Variants in AFAP1L2 observed in about 807,000 individuals in gnomAD.
AFAP1L2 encodes the protein actin filament associated protein 1 like 2, also known as actin filament-associated protein 1-like 2.
A neutral mutation model predicts 99.3 loss-of-function variants in AFAP1L2; 46 were observed. The ratio of observed to expected loss-of-function variants is 0.46; its 90% CI spans 0.37 to 0.59. The LOEUF is 0.59. Ranked by LOEUF, AFAP1L2 falls within the 20% of genes least tolerant of loss-of-function variation. The probability of loss-of-function intolerance (pLI) is 0.00; values close to 1 mark genes in which losing one functional copy is unlikely to be tolerated. For missense variants in AFAP1L2, 959 were observed against 1,034.9 expected (o/e 0.93, Z 1.01); for synonymous variants, 397 against 419.1 (o/e 0.95, Z 0.64).
At chr10:114,283,713 G>A in the AFAP1L2 span, among the ~76,000 whole-genome samples, 11 of 152,316 alleles carry the variant, frequency 7.2e-5, no homozygotes, top group East Asian at 3.9e-4. Context: ...GGGACCATGC[G>A]TGTATTGTGC....
chr10:114,393,192 T>C (rs2057334964), intron 1 of AFAP1L2, among the ~76,000 whole-genome samples: 1 of 152,142 alleles, frequency 6.6e-6, no homozygotes, highest in Non-Finnish European at 1.5e-5. Context: ...TTCCCAACTC[T>C]ATTGCTAGGC....
chr10:114,348,667 G>A (rs1053283191), intron 1 of AFAP1L2, among the ~76,000 whole-genome samples: 4 of 152,228 alleles, frequency 2.6e-5, no homozygotes, highest in African/African-American at 9.6e-5. Context: ...TTCACGCAAT[G>A]TGTAGCCACT....
intron 7 of AFAP1L2, among the ~76,000 whole-genome samples, chr10:114,310,708 C>A (rs754471013): frequency 1.1e-4 from 17 of 152,152 alleles, no homozygotes; most frequent in Non-Finnish European, 2.4e-4. Context: ...CGAGGGGGGG[C>A]CTTGGCAGCA....
the AFAP1L2 span, among the ~76,000 whole-genome samples, chr10:114,287,253 T>A: frequency 6.6e-6 from 1 of 152,108 alleles, no homozygotes; most frequent in Non-Finnish European, 1.5e-5. Flanking sequence ...CGATCATAGC[T>A]CACTGCAGCC....
At chr10:114,305,143 G>T in intron 10 of AFAP1L2, 6 of 586,760 alleles carry the variant, frequency 1.0e-5, no homozygotes, top group South Asian at 5.5e-5. Context: ...AGATGCAGGA[G>T]GGGACTGGGC....
intron 1 of AFAP1L2, among the ~76,000 whole-genome samples, chr10:114,375,075 C>T (rs566388378): frequency 1.3e-3 from 205 of 152,252 alleles, no homozygotes; most frequent in Non-Finnish European, 2.6e-3. Flanking sequence ...GACTCGACAC[C>T]TGTTTTTATA....
intron 1 of AFAP1L2, among the ~76,000 whole-genome samples, chr10:114,396,371 A>G (rs1168493684): frequency 6.6e-6 from 1 of 152,248 alleles, no homozygotes; most frequent in Non-Finnish European, 1.5e-5. Context: ...ACCCAGAGTG[A>G]TACTTCTTCC....
chr10:114,333,014 A>G (rs1240499369), intron 3 of AFAP1L2, among the ~76,000 whole-genome samples: 1 of 152,210 alleles, frequency 6.6e-6, no homozygotes, highest in African/African-American at 2.4e-5. Flanking sequence ...TCCTTATCCA[A>G]TGGGCAAGGA....
chr10:114,393,035 C>G (rs761590931), intron 1 of AFAP1L2, among the ~76,000 whole-genome samples: 5 of 152,180 alleles, frequency 3.3e-5, no homozygotes, highest in Non-Finnish European at 5.9e-5. Flanking sequence ...GTGCCCCTAT[C>G]ATACCTGATA....
At chr10:114,302,988 G>C (rs2041488165) in intron 11 of AFAP1L2, among the ~76,000 whole-genome samples, 1 of 152,138 alleles carries the variant, frequency 6.6e-6, no homozygotes, top group Non-Finnish European at 1.5e-5. Flanking sequence ...AGTAAAGTCG[G>C]GACATCTTTT....
intron 1 of AFAP1L2, among the ~76,000 whole-genome samples, chr10:114,392,938 T>C (rs2057308332): frequency 6.6e-6 from 1 of 152,180 alleles, no homozygotes; most frequent in South Asian, 2.1e-4. Flanking sequence ...AGTCTTACAC[T>C]TGAGGACATT....
At position 114,300,582 on chromosome 10, in the gene AFAP1L2, T is replaced by C. The variant is rs1482872100; in HGVS notation, c.1651A>G (p.Ser551Gly). 5.6e-6 allele frequency: 9 copies of C among 1,614,028 alleles called. No homozygotes were observed. Among genetic ancestry groups the C allele is most frequent in the Non-Finnish European group, 7.6e-6 (9 of 1,180,020 alleles). The change falls in exon 14 of 19, where the codon AGC becomes GGC. Residue 551 changes from serine to glycine, a missense_variant. Transcript: ENST00000304129. ...TPVKSFLHGP[S>G]SAQAQASSPT... ...GAGGAGGCCTGGGCCTGTGCACTGC[T>C]GGGGCCATGCAGAAAGGACTTGACA...
At chr10:114,398,012 G>A (rs752019208) in intron 1 of AFAP1L2, among the ~76,000 whole-genome samples, 1 of 152,150 alleles carries the variant, frequency 6.6e-6, no homozygotes, top group Non-Finnish European at 1.5e-5. Context: ...TGTGAGATCC[G>A]TGTTCCCTGG....
At chr10:114,298,335 G>A (rs1425044412) in intron 16 of AFAP1L2, among the ~76,000 whole-genome samples, 2 of 152,132 alleles carry the variant, frequency 1.3e-5, no homozygotes, top group Non-Finnish European at 2.9e-5. Flanking sequence ...CCAAGATCAC[G>A]CCACTGCACT....
intron 1 of AFAP1L2, among the ~76,000 whole-genome samples, chr10:114,347,466 T>C (rs1343813501): frequency 6.6e-6 from 1 of 152,172 alleles, no homozygotes; most frequent in Non-Finnish European, 1.5e-5. Context: ...TTTTTCTTAT[T>C]TTTATTTTAC....
intron 1 of AFAP1L2, chr10:114,398,966 A>G: frequency 7.9e-7 from 1 of 1,260,358 alleles, no homozygotes; most frequent in South Asian, 1.3e-5. Context: ...GTGGGCTTTC[A>G]TCTCCATTTC....
chr10:114,357,386 A>G (rs1382424875), intron 1 of AFAP1L2, among the ~76,000 whole-genome samples: 1 of 151,722 alleles, frequency 6.6e-6, no homozygotes, highest in African/African-American at 2.4e-5. Flanking sequence ...ACTCATACTC[A>G]CTCTGAACTG....
At chr10:114,400,604 G>A (rs1207610442) in intron 1 of AFAP1L2, among the ~76,000 whole-genome samples, 1 of 152,194 alleles carries the variant, frequency 6.6e-6, no homozygotes, top group Non-Finnish European at 1.5e-5. Context: ...GTGAGTATCG[G>A]GGGGGCATCC....
At chr10:114,345,739 G>C (rs1590367498) in intron 1 of AFAP1L2, among the ~76,000 whole-genome samples, 1 of 152,246 alleles carries the variant, frequency 6.6e-6, no homozygotes, top group East Asian at 1.9e-4. Flanking sequence ...AAGTGCATCT[G>C]AGTCATGGCC....
Sources: gnomAD v4.1 joint callset for allele counts (sites outside exome capture counted in the v4.1 genomes callset) on GRCh38, gnomAD v4.1.1 for gene constraint, MANE v1.5 for transcripts, NCBI Gene and HGNC (gene_info 2026-07-23, HGNC 2026-07-21) for gene names.